The following DRC7 variants were observed in gnomAD, a reference collection of about 807,000 sequenced individuals.
The protein encoded by DRC7 is dynein regulatory complex subunit 7, also known as coiled-coil domain containing 135.
In DRC7, 80 loss-of-function variants were observed where a neutral mutation model predicts 104.4. That is an observed-to-expected ratio of 0.77 (90% CI 0.64 to 0.92). DRC7 has a LOEUF of 0.92. DRC7 is among the 40% of genes least tolerant of loss of function. DRC7 has a pLI of 0.00. For missense variants in DRC7, 1,034 were observed against 1,141.1 expected (o/e 0.91, Z 1.35); for synonymous variants, 405 against 447.3 (o/e 0.91, Z 1.19).
chr16:57,719,056 C>G (rs983263511), intron 9 of DRC7, among the ~76,000 whole-genome samples: 1 of 151,466 alleles, frequency 6.6e-6, no homozygotes, highest in Admixed American at 6.6e-5. Context: ...GCTCTGCAAC[C>G]CCCTGGGAGT....
intron 8 of DRC7, among the ~76,000 whole-genome samples, chr16:57,711,852 C>G (rs1337412513): frequency 6.6e-6 from 1 of 152,188 alleles, no homozygotes; most frequent in Non-Finnish European, 1.5e-5. Flanking sequence ...CAAGTCGGTT[C>G]CTGGGTGGGG....
chr16:57,694,856 AG>A lies in DRC7; in HGVS notation c.-169+6del, dbSNP rs1301797538. ...AGAGCAGGCTGTCCTCGGAGGGGTG[AG>A]GAGGGAGCAAGGGACTTGGGGTGGC... On this transcript the variant is annotated splice_donor_5th_base_variant and intron_variant, in intron 1 of 18. Coordinates refer to ENST00000360716, the MANE Select transcript of DRC7 (RefSeq NM_001289162.2). The A allele has an allele frequency of 1.3e-5, 2 of 152,072 alleles. No individual in the cohort carries two copies. The highest frequency in any genetic ancestry group is 2.9e-5 in the Non-Finnish European group (2 of 68,036). The allele number at this position is 152,072 out of a possible 1,614,324, so 9.4% of individuals were successfully genotyped here. A position where few individuals can be genotyped will look rare whatever the true frequency, so the allele number is the denominator to read the frequency against.
intron 6 of DRC7, among the ~76,000 whole-genome samples, chr16:57,703,458 G>A (rs1204254438): frequency 1.3e-5 from 2 of 152,216 alleles, no homozygotes; most frequent in Non-Finnish European, 2.9e-5. Flanking sequence ...GGTGTCCGCA[G>A]CTTGGAGATG....
At chr16:57,704,204 A>G (rs1156645469) in intron 6 of DRC7, among the ~76,000 whole-genome samples, 1 of 152,134 alleles carries the variant, frequency 6.6e-6, no homozygotes, top group Non-Finnish European at 1.5e-5. Flanking sequence ...AAAAGGTAAC[A>G]TAATGTGGCC....
chr16:57,704,302 C>A (rs1312060427), intron 6 of DRC7, among the ~76,000 whole-genome samples: 2 of 152,098 alleles, frequency 1.3e-5, no homozygotes, highest in Non-Finnish European at 2.9e-5. Flanking sequence ...ACAGGCCCAC[C>A]TCTGCAGCCT....
At position 57,728,348 on chromosome 16, in the gene DRC7, G is replaced by A. The variant is rs760075305; in HGVS notation, c.2197-42G>A. The A allele has an allele frequency of 2.6e-6, 4 of 1,527,424 alleles. No individual in the cohort carries two copies. In the South Asian group the frequency reaches 3.8e-5, roughly 14 times the overall value. 94.6% of individuals were successfully genotyped at this position (1,527,424 alleles called of 1,614,324 possible). On this transcript the variant is annotated intron_variant, in intron 16 of 18. Transcript: ENST00000360716. Reference sequence around the variant, plus strand: ...ATGCAGAGCTGGTGGAGAGGTCTCTGTAGTTCCTGCTGATCCAGCTATCTG... The same window carrying A: ...ATGCAGAGCTGGTGGAGAGGTCTCTATAGTTCCTGCTGATCCAGCTATCTG...
At position 57,707,567 on chromosome 16, in the gene DRC7, A is replaced by AT; in HGVS notation, c.968dup (p.Thr324HisfsTer4). ...TGCCTGAGAACTTCTTCATCGACCCATTCACAGGACATAGCTACAGCACCC... is the reference window on the plus strand; with the variant it reads ...TGCCTGAGAACTTCTTCATCGACCCATTTCACAGGACATAGCTACAGCACCC... On this transcript the variant is annotated frameshift_variant, in exon 8 of 19. Transcript: ENST00000360716. LOFTEE classifies it high-confidence loss of function. 1 of 1,613,620 alleles carries AT rather than the reference A, an allele frequency of 6.2e-7. No homozygotes were observed. The highest frequency in any genetic ancestry group is 8.5e-7 in the Non-Finnish European group (1 of 1,180,012).
At chr16:57,707,737 G>C in intron 8 of DRC7, 59 bp downstream of exon 8, 6 of 1,505,658 alleles carry the variant, frequency 4.0e-6, no homozygotes, top group Non-Finnish European at 4.6e-6. Flanking sequence ...GATAGGAATA[G>C]AGGGAAGCAA....
chr16:57,722,735 C>T lies in DRC7; in HGVS notation c.1302C>T (p.Asn434=), dbSNP rs764125087. 40 of 1,613,704 alleles carry T rather than the reference C, an allele frequency of 2.5e-5. No individual in the cohort carries two copies. The highest frequency in any genetic ancestry group is 1.6e-4 in the African/African-American group (12 of 75,012). ...CAGCATTTGAGACCCGCTGCCCGAA[C>T]GGGAAGAAGGTGATTCAGTACAAGA... The part of the protein sequence containing the change: ...SPEAFETRCP[N]GKKVIQYKRA... Residue 434 remains asparagine (N), a synonymous_variant, in exon 11 of 19, where the codon AAC becomes AAT. Coordinates refer to ENST00000360716, the MANE Select transcript of DRC7 (RefSeq NM_001289162.2).
rs768257176 is a variant in DRC7 at position 57,697,908 on chromosome 16, C to T, written c.-37-5C>T. On this transcript the variant is annotated splice_region_variant and splice_polypyrimidine_tract_variant and intron_variant, in intron 2 of 18. Coordinates refer to ENST00000360716, the MANE Select transcript of DRC7 (RefSeq NM_001289162.2). ...GCCATGGAGTATACTTACCCTTCCC[C>T]ACAGAGACATTCCATCTCCAGACAC... 6.3e-7 allele frequency: 1 copy of T among 1,596,390 alleles called. No homozygotes were observed. Among genetic ancestry groups the T allele is most frequent in the African/African-American group, 1.3e-5 (1 of 74,652 alleles).
At chr16:57,702,399 G>T (rs1434606738) in intron 6 of DRC7, among the ~76,000 whole-genome samples, 2 of 152,124 alleles carry the variant, frequency 1.3e-5, no homozygotes, top group Non-Finnish European at 2.9e-5. Context: ...CAGCTACTAT[G>T]CTCCCTGCTT....
chr16:57,729,683 G>A (rs188289512), intron 17 of DRC7, among the ~76,000 whole-genome samples: 32 of 53,260 alleles, frequency 6.0e-4, no homozygotes, highest in East Asian at 1.7e-3. Context: ...GGGTGGGTGG[G>A]TGGATGGATG....
intron 2 of DRC7, among the ~76,000 whole-genome samples, chr16:57,697,406 C>A (rs2048605043): frequency 1.3e-5 from 2 of 150,450 alleles, no homozygotes; most frequent in African/African-American, 2.4e-5. Flanking sequence ...CCTGTCTCTA[C>A]CAAAAAAAAA....
chr16:57,729,182 A>G (rs1312842946), intron 17 of DRC7, among the ~76,000 whole-genome samples: 3 of 62,188 alleles, frequency 4.8e-5, no homozygotes, highest in East Asian at 7.3e-4. Context: ...GGGTGGGTAG[A>G]TGGATGAATG....
At chr16:57,706,525 C>T (rs2148742930) in intron 7 of DRC7, among the ~76,000 whole-genome samples, 1 of 121,818 alleles carries the variant, frequency 8.2e-6, no homozygotes, top group East Asian at 3.0e-4. Context: ...CTCCCACCCT[C>T]CCATCCACCC....
At chr16:57,695,352 G>T (rs1470495465) in intron 1 of DRC7, among the ~76,000 whole-genome samples, 1 of 151,882 alleles carries the variant, frequency 6.6e-6, no homozygotes, top group African/African-American at 2.4e-5. Flanking sequence ...CTACTTACTG[G>T]CTGTACCTTA....
In DRC7 at chr16:57,731,519, G is replaced by A. The variant is rs1476851962; in HGVS notation, c.*261G>A. ...TCTCTTCTTCTGTTATCTATAGCCT[G>A]GGACCACCCCCTTCCTCCCCTTGGC... On this transcript the variant is annotated 3_prime_UTR_variant, in exon 19 of 19. Transcript: ENST00000360716. The A allele has an allele frequency of 1.9e-6, 1 of 522,580 alleles. No homozygotes were observed. Among genetic ancestry groups the A allele is most frequent in the Non-Finnish European group, 3.4e-6 (1 of 291,908 alleles). 32.4% of individuals were successfully genotyped at this position (522,580 alleles called of 1,614,324 possible). A position where few individuals can be genotyped will look rare whatever the true frequency, so the allele number is the denominator to read the frequency against.
rs1326038094 is a variant in DRC7 at position 57,724,630 on chromosome 16, C to T, written c.1553C>T (p.Ser518Phe). The T allele has an allele frequency of 4.3e-6, 7 of 1,612,328 alleles. No homozygotes were observed. Among genetic ancestry groups the T allele is most frequent in the Non-Finnish European group, 5.9e-6 (7 of 1,178,850 alleles). ...CCCCACCCAGTGCACTCGTACAAGT[C>T]CATGCAACCTGAGATGGACCGTGTC... The part of the protein sequence containing the change: ...PQALRVHSYK[S>F]MQPEMDRVIE... Residue 518 changes from serine to phenylalanine, a missense_variant, in exon 13 of 19, where the codon TCC becomes TTC. By Grantham distance (155) the Ser-to-Phe change is radical. Transcript: ENST00000360716.
rs1441397013 is a variant in DRC7 at position 57,731,285 on chromosome 16, C to T, written c.*27C>T. 6.3e-7 allele frequency: 1 copy of T among 1,582,642 alleles called. No individual in the cohort carries two copies. Among genetic ancestry groups the T allele is most frequent in the African/African-American group, 1.3e-5 (1 of 74,422 alleles). ...GTCCCTCCTGGGGCCTCAGCCAGAG[C>T]TGCCAGAGAAAGGAAACCTCTTCCC... On this transcript the variant is annotated 3_prime_UTR_variant, in exon 19 of 19. Coordinates refer to ENST00000360716, the MANE Select transcript of DRC7 (RefSeq NM_001289162.2).
Sources: gnomAD v4.1 joint callset for allele counts (sites outside exome capture counted in the v4.1 genomes callset) on GRCh38, gnomAD v4.1.1 for gene constraint, MANE v1.5 for transcripts, NCBI Gene and HGNC (gene_info 2026-07-23, HGNC 2026-07-21) for gene names.